Variants in POLG2 observed in about 807,000 individuals in gnomAD.
The protein encoded by POLG2 is DNA polymerase subunit gamma-2.
A neutral mutation model predicts 56.5 loss-of-function variants in POLG2; 50 were observed. The observed-to-expected ratio is 0.88, with a 90% CI of 0.71 to 1.12. POLG2 has a LOEUF of 1.12. POLG2 is among the 50% of genes most tolerant of loss of function. The pLI is 0.00. For synonymous variants in POLG2, 226 were observed against 222.6 expected (o/e 1.02, Z -0.14); for missense variants, 584 against 583.3 (o/e 1.00, Z -0.01).
chr17:64,489,275 TA>T (rs74269506), intron 4 of POLG2, among the ~76,000 whole-genome samples: 20 of 141,980 alleles, frequency 1.4e-4, no homozygotes, highest in Middle Eastern at 3.6e-3. Flanking sequence ...AATACCAATT[TA>T]AAAAAAAAAT....
At chr17:64,489,939 T>C (rs1343261518) in intron 4 of POLG2, among the ~76,000 whole-genome samples, 7 of 152,152 alleles carry the variant, frequency 4.6e-5, no homozygotes, top group African/African-American at 1.7e-4. Flanking sequence ...TTGTTTTTTT[T>C]TTTTGAGACA....
At chr17:64,482,442 C>T (rs1446493085) in intron 6 of POLG2, among the ~76,000 whole-genome samples, 1 of 151,922 alleles carries the variant, frequency 6.6e-6, no homozygotes, top group Non-Finnish European at 1.5e-5. Context: ...CTGCCTTAGC[C>T]TCCTGAGTAT....
chr17:64,486,431 C>T (rs1435180503), intron 4 of POLG2, among the ~76,000 whole-genome samples: 1 of 151,308 alleles, frequency 6.6e-6, no homozygotes, highest in Non-Finnish European at 1.5e-5. Flanking sequence ...CATGATCTCA[C>T]CTCATTGCCA....
In POLG2 at chr17:64,496,668, G is replaced by T. The variant is rs370933352; in HGVS notation, c.301C>A (p.Pro101Thr). 2.5e-6 allele frequency: 4 copies of T among 1,613,874 alleles called. No individual in the cohort carries two copies. The African/African-American group carries it at 5.3e-5, about 22-fold the overall frequency. ...LLSGCHPGFGPLGVELRKNLA... is the reference protein window; with the variant it reads ...LLSGCHPGFGTLGVELRKNLA... ...TTCTTCCGCAACTCTACGCCCAAGGGTCCGAAGCCGGGGTGGCACCCACTC... is the reference window on the plus strand; with the variant it reads ...TTCTTCCGCAACTCTACGCCCAAGGTTCCGAAGCCGGGGTGGCACCCACTC... Residue 101 changes from proline (P) to threonine (T), a missense_variant, in exon 1 of 8, where the codon CCC becomes ACC. Coordinates refer to ENST00000539111, the MANE Select transcript of POLG2 (RefSeq NM_007215.4).
intron 5 of POLG2, chr17:64,484,011 A>G (rs578001273): frequency 6.6e-6 from 1 of 152,408 alleles, no homozygotes; most frequent in South Asian, 2.1e-4. Context: ...CATTCAGCCC[A>G]GCCTTCTCTT....
intron 6 of POLG2, among the ~76,000 whole-genome samples, chr17:64,480,666 A>G (rs1442197581): frequency 6.6e-6 from 1 of 152,220 alleles, no homozygotes; most frequent in Admixed American, 6.5e-5. Flanking sequence ...TACCCTTAGT[A>G]TCATTCAAAA....
In POLG2 at chr17:64,496,537, G is replaced by C. The variant is rs370515637; in HGVS notation, c.432C>G (p.Ala144=). The change falls in exon 1 of 8, where the codon GCC becomes GCG. Residue 144 remains alanine (A), a synonymous_variant. Coordinates refer to ENST00000539111, the MANE Select transcript of POLG2 (RefSeq NM_007215.4). ...GAGTTTCTGCAGAAACTAACCTGAA[G>C]GCACTGTCCCCGGGTAGCAAAGGGC... The part of the protein sequence containing the change: ...KPGPLLPGDS[A]FRLVSAETLR... 1.9e-6 allele frequency: 3 copies of C among 1,613,742 alleles called. No individual in the cohort carries two copies. The African/African-American group carries it at 4.0e-5, about 22-fold the overall frequency.
intron 5 of POLG2, among the ~76,000 whole-genome samples, chr17:64,483,729 T>G (rs1324373149): frequency 6.6e-6 from 1 of 151,826 alleles, no homozygotes; most frequent in African/African-American, 2.4e-5. Context: ...TGCTTTTTTT[T>G]TTTTTTTAAA....
rs782661006 is a variant in POLG2 at position 64,496,991 on chromosome 17, C to G, written c.-23G>C. Reference sequence around the variant, plus strand: ...CATCTCTCTCCGAAGTTAAAGAGCACACTCTCCCATCACTCAACGGATCCC... The same window carrying G: ...CATCTCTCTCCGAAGTTAAAGAGCAGACTCTCCCATCACTCAACGGATCCC... On this transcript the variant is annotated 5_prime_UTR_variant, in exon 1 of 8. Transcript: ENST00000539111. The G allele has an allele frequency of 3.1e-6, 5 of 1,593,232 alleles. No individual in the cohort carries two copies. The East Asian group carries it at 1.1e-4, about 36-fold the overall frequency.
At position 64,496,833 on chromosome 17, in the gene POLG2, A is replaced by C; in HGVS notation, c.136T>G (p.Ser46Ala). 1.9e-6 allele frequency: 3 copies of C among 1,613,530 alleles called. No homozygotes were observed. The highest frequency in any genetic ancestry group is 2.5e-6 in the Non-Finnish European group (3 of 1,179,966). ...CCGTTCCCCTCGAGCTCCGCGTGCG[A>C]CTTCACATGCCCTCCTTTGGGGCTA... ...RSSPKGGHVK[S>A]HAELEGNGEH... Residue 46 changes from serine (S) to alanine (A), a missense_variant, in exon 1 of 8, where the codon TCG becomes GCG. Physicochemically the swap from Ser to Ala is moderately conservative, Grantham distance 99 (BLOSUM62 1). Transcript: ENST00000539111.
Position 64,496,912 on chromosome 17 carries a change from AGAC to A in POLG2, c.54_56del (p.Leu18_Ser19delinsPhe), listed in dbSNP as rs782120855. The A allele has an allele frequency of 3.1e-6, 5 of 1,612,508 alleles. No individual in the cohort carries two copies. The highest frequency in any genetic ancestry group is 1.6e-4 in the Middle Eastern group (1 of 6,062). ...CCGCATCTACTCGACCCCCAAACCC[AGAC>A]AACAGGCACCTGCAGACCTTATGGC... On this transcript the variant is annotated inframe_deletion, in exon 1 of 8. Coordinates refer to ENST00000539111, the MANE Select transcript of POLG2 (RefSeq NM_007215.4).
At chr17:64,481,597 G>A (rs1000996583) in intron 6 of POLG2, among the ~76,000 whole-genome samples, 2 of 151,912 alleles carry the variant, frequency 1.3e-5, no homozygotes, top group Non-Finnish European at 2.9e-5. Flanking sequence ...GAAAGGCTGC[G>A]CACGGTGGCT....
Position 64,482,916 on chromosome 17 carries a change from C to T in POLG2, c.1191+3G>A, listed in dbSNP as rs1555666786. The stretch of plus-strand genomic sequence containing the variant: ...AAATGACATTTAAACTCATTTAACT[C>T]ACCTGTCTTAGTTCCAATGTGGGGC... On this transcript the variant is annotated splice_donor_region_variant and intron_variant, in intron 6 of 7. Transcript: ENST00000539111. 2.0e-6 allele frequency: 3 copies of T among 1,500,958 alleles called. No homozygotes were observed. Among genetic ancestry groups the T allele is most frequent in the African/African-American group, 2.8e-5 (2 of 70,888 alleles). The allele number at this position is 1,500,958 out of a possible 1,614,324, so 93.0% of individuals were successfully genotyped here.
At chr17:64,486,411 A>G (rs2037956337) in intron 4 of POLG2, among the ~76,000 whole-genome samples, 1 of 150,714 alleles carries the variant, frequency 6.6e-6, no homozygotes, top group Non-Finnish European at 1.5e-5. Flanking sequence ...CCCAGGCTGG[A>G]GTGCAATGGC....
At chr17:64,494,471 A>G (rs1304933689) in intron 1 of POLG2, among the ~76,000 whole-genome samples, 2 of 152,220 alleles carry the variant, frequency 1.3e-5, no homozygotes, top group East Asian at 1.9e-4. Context: ...GCTTGAATCA[A>G]TGATATCGGG....
chr17:64,494,092 T>C (rs2038110542), intron 1 of POLG2, among the ~76,000 whole-genome samples: 1 of 152,226 alleles, frequency 6.6e-6, no homozygotes, highest in Non-Finnish European at 1.5e-5. Flanking sequence ...ATGTACTGCA[T>C]TCTGAGTAGG....
intron 4 of POLG2, 28 bp from the exon 5 acceptor site, chr17:64,485,896 T>C (rs782265898): frequency 6.2e-7 from 1 of 1,612,682 alleles, no homozygotes; most frequent in Admixed American, 1.7e-5. Flanking sequence ...AGAAAAATAA[T>C]CATTTCACAG....
intron 4 of POLG2, chr17:64,490,435 T>C (rs1477940856): frequency 3.7e-6 from 1 of 271,132 alleles, no homozygotes; most frequent in Non-Finnish European, 7.2e-6. Flanking sequence ...CCAAGGCATA[T>C]TCTACAGATT....
chr17:64,496,545 C>T lies in POLG2; in HGVS notation c.424G>A (p.Asp142Asn). The T allele has an allele frequency of 6.2e-7, 1 of 1,613,894 alleles. No homozygotes were observed. Among genetic ancestry groups the T allele is most frequent in the African/African-American group, 1.3e-5 (1 of 75,026 alleles). ...HHKPGPLLPG[D>N]SAFRLVSAET... ...GCAGAAACTAACCTGAAGGCACTGT[C>T]CCCGGGTAGCAAAGGGCCTGGTTTG... Residue 142 changes from aspartate to asparagine, a missense_variant, in exon 1 of 8, where the codon GAC becomes AAC. Coordinates refer to ENST00000539111, the MANE Select transcript of POLG2 (RefSeq NM_007215.4).
Sources: gnomAD v4.1 joint callset for allele counts (sites outside exome capture counted in the v4.1 genomes callset) on GRCh38, gnomAD v4.1.1 for gene constraint, MANE v1.5 for transcripts, NCBI Gene and HGNC (gene_info 2026-07-23, HGNC 2026-07-21) for gene names.